ARHGAP6: variants seen among roughly 807,000 people sequenced by gnomAD.
The protein encoded by ARHGAP6 is Rho GTPase activating protein 6.
A neutral mutation model predicts 55.7 loss-of-function variants in ARHGAP6; 16 were observed. The observed-to-expected ratio is 0.29, with a 90% confidence interval of 0.19 to 0.44. ARHGAP6 has a LOEUF of 0.44. ARHGAP6 is among the 20% of genes least tolerant of loss of function. The pLI, the probability that ARHGAP6 is intolerant of heterozygous loss-of-function variation, is 1.00. For synonymous variants in ARHGAP6, 382 were observed against 360.9 expected (o/e 1.06, Z -0.66); for missense variants, 698 against 808.9 (o/e 0.86, Z 1.66).
chrX:11,191,206 G>T (rs187604086), intron 3 of ARHGAP6, among the ~76,000 whole-genome samples: 1 of 112,400 alleles, frequency 8.9e-6, no homozygotes, highest in African/African-American at 3.2e-5. Flanking sequence ...AAAATGATAA[G>T]GTGCTCGCAT....
intron 1 of ARHGAP6, among the ~76,000 whole-genome samples, chrX:11,303,586 T>TTC (rs2048198007): frequency 8.9e-6 from 1 of 112,334 alleles, no homozygotes; most frequent in South Asian, 3.7e-4. Context: ...TTCACTTTAC[T>TTC]ATTAATTTTA....
chrX:11,594,285 A>G (rs1374065870), intron 1 of ARHGAP6, among the ~76,000 whole-genome samples: 5 of 103,182 alleles, frequency 4.8e-5, no homozygotes, highest in African/African-American at 1.8e-4. Context: ...TCATCACTCC[A>G]CTATTGACCC....
chrX:11,501,191 C>T lies in ARHGAP6; in HGVS notation c.588+163050G>A, dbSNP rs917660657. Among the ~76,000 whole-genome samples the T allele has an allele frequency of 2.7e-5, 3 of 112,024 alleles. No homozygotes were observed. The Admixed American group carries it at 2.8e-4, about 11-fold the overall frequency. ...TACAAGCTGGCACAGTGACTCACCCCTGTAATCCCAGCACTTTGGGAAGCT... is the reference window on the plus strand; with the variant it reads ...TACAAGCTGGCACAGTGACTCACCCTTGTAATCCCAGCACTTTGGGAAGCT... On this transcript the variant is annotated intron_variant, in intron 1 of 12. Transcript: ENST00000337414.
chrX:11,370,259 T>C (rs1409018442), intron 1 of ARHGAP6, among the ~76,000 whole-genome samples: 1 of 112,732 alleles, frequency 8.9e-6, no homozygotes, highest in Non-Finnish European at 1.9e-5. Context: ...GTATTCCAGT[T>C]TCACTTACTT....
intron 1 of ARHGAP6, among the ~76,000 whole-genome samples, chrX:11,376,051 T>C (rs181810411): frequency 1.8e-5 from 2 of 110,795 alleles, no homozygotes; most frequent in East Asian, 5.7e-4. Flanking sequence ...GGATAAACAG[T>C]GATACAGCAT....
chrX:11,646,806 C>T (rs1027778763), intron 1 of ARHGAP6, among the ~76,000 whole-genome samples: 1 of 112,215 alleles, frequency 8.9e-6, no homozygotes, highest in Admixed American at 9.4e-5. Context: ...TTCCATTTGA[C>T]TAAAATATTT....
intron 2 of ARHGAP6, among the ~76,000 whole-genome samples, chrX:11,221,649 C>A (rs1305501083): frequency 1.8e-5 from 2 of 111,637 alleles, no homozygotes; most frequent in African/African-American, 6.5e-5. Flanking sequence ...TTAGAGGACA[C>A]TGGAGGAGAA....
intron 1 of ARHGAP6, among the ~76,000 whole-genome samples, chrX:11,475,688 C>T (rs895913327): frequency 9.3e-6 from 1 of 107,230 alleles, no homozygotes; most frequent in African/African-American, 3.4e-5. Flanking sequence ...ATCTTTTCGA[C>T]TTTGAGGTAG....
At chrX:11,631,760 C>T (rs1357767928) in intron 1 of ARHGAP6, among the ~76,000 whole-genome samples, 2 of 111,806 alleles carry the variant, frequency 1.8e-5, no homozygotes, top group South Asian at 7.5e-4. Context: ...ATAAAAGCGC[C>T]AAAGCTGCCA....
Position 11,139,425 on chromosome X carries a change from G to A in ARHGAP6, c.2363C>T (p.Ala788Val). 1.7e-6 allele frequency: 2 copies of A among 1,188,634 alleles called. No individual in the cohort carries two copies. The highest frequency in any genetic ancestry group is 2.3e-6 in the Non-Finnish European group (2 of 886,084). The change falls in exon 13 of 13, where the codon GCA becomes GTA. Residue 788 changes from alanine (A) to valine (V), a missense_variant. Coordinates refer to ENST00000337414, the MANE Select transcript of ARHGAP6 (RefSeq NM_013427.3). Reference sequence around the variant, plus strand: ...CCCCTGCGTGTCGCTGTCCAGCTCTGCGGGGCTCCCCTGCCACCGAGGCCA... The same window carrying A: ...CCCCTGCGTGTCGCTGTCCAGCTCTACGGGGCTCCCCTGCCACCGAGGCCA... Reference protein sequence around the residue: ...PNWPRWQGSPAELDSDTQGAR... With the variant: ...PNWPRWQGSPVELDSDTQGAR...
intron 1 of ARHGAP6, among the ~76,000 whole-genome samples, chrX:11,451,176 C>A (rs111551810): frequency 0.018 from 1,983 of 111,875 alleles, 28 homozygotes; most frequent in Middle Eastern, 0.06. Flanking sequence ...CATTCCAATA[C>A]CCTTAACAGT....
At chrX:11,357,264 A>G (rs905192028) in intron 1 of ARHGAP6, among the ~76,000 whole-genome samples, 3 of 111,438 alleles carry the variant, frequency 2.7e-5, no homozygotes, top group African/African-American at 9.8e-5. Context: ...ATTTTCCTTT[A>G]TTTACCTTTT....
At chrX:11,146,975 G>A (rs1188210729) in intron 10 of ARHGAP6, among the ~76,000 whole-genome samples, 5 of 109,991 alleles carry the variant, frequency 4.5e-5, no homozygotes, top group African/African-American at 1.3e-4. Context: ...AAAGCACACC[G>A]ATTAAAAAAA....
chrX:11,619,112 A>G (rs1172230288), intron 1 of ARHGAP6, among the ~76,000 whole-genome samples: 1 of 112,302 alleles, frequency 8.9e-6, no homozygotes, highest in African/African-American at 3.2e-5. Context: ...TGAGAACTAT[A>G]AACTTTCATC....
At chrX:11,406,396 T>C (rs959722169) in intron 1 of ARHGAP6, among the ~76,000 whole-genome samples, 10 of 111,295 alleles carry the variant, frequency 9.0e-5, no homozygotes, top group African/African-American at 3.3e-4. Context: ...CTTTTAAAGA[T>C]AATGATCTTT....
chrX:11,291,052 T>A (rs2047984786), intron 1 of ARHGAP6, among the ~76,000 whole-genome samples: 1 of 112,288 alleles, frequency 8.9e-6, no homozygotes, highest in African/African-American at 3.2e-5. Context: ...AGAAAAAGAA[T>A]ACCTACTACA....
At chrX:11,145,352 A>C (rs2045675088) in intron 10 of ARHGAP6, among the ~76,000 whole-genome samples, 1 of 112,238 alleles carries the variant, frequency 8.9e-6, no homozygotes, top group Non-Finnish European at 1.9e-5. Flanking sequence ...GCTTCCTCTG[A>C]GGTTTCCAGC....
chrX:11,332,358 T>A (rs1039269299), intron 1 of ARHGAP6, among the ~76,000 whole-genome samples: 1 of 112,134 alleles, frequency 8.9e-6, no homozygotes, highest in Non-Finnish European at 1.9e-5. Context: ...AATTTGCAAC[T>A]TTTTTCTTGA....
intron 1 of ARHGAP6, among the ~76,000 whole-genome samples, chrX:11,553,335 G>A (rs779883161): frequency 2.8e-5 from 3 of 109,070 alleles, no homozygotes; most frequent in Non-Finnish European, 5.7e-5. Flanking sequence ...TCAACCTCCT[G>A]GGCTCAAGCG....
Sources: gnomAD v4.1 joint callset for allele counts (sites outside exome capture counted in the v4.1 genomes callset) on GRCh38, gnomAD v4.1.1 for gene constraint, MANE v1.5 for transcripts, NCBI Gene and HGNC (gene_info 2026-07-23, HGNC 2026-07-21) for gene names.